The following NDUFAF6 variants were observed in gnomAD, a reference collection of about 807,000 sequenced individuals.
NDUFAF6 encodes NADH dehydrogenase (ubiquinone) complex I, assembly factor 6.
NDUFAF6 carries 45 observed loss-of-function variants against 40.8 expected under a neutral mutation model. That is an observed-to-expected ratio of 1.10 (90% CI 0.87 to 1.42). The LOEUF (loss-of-function observed/expected upper bound fraction) is 1.42, where lower values mean the gene tolerates loss of function less well. Among genes scored for constraint, NDUFAF6 ranks in the 40% most tolerant of loss-of-function variants. The pLI is 0.00. For missense variants in NDUFAF6, 435 were observed against 418.5 expected (o/e 1.04, Z -0.34); for synonymous variants, 185 against 155.9 (o/e 1.19, Z -1.39).
intron 1 of NDUFAF6, among the ~76,000 whole-genome samples, chr8:94,967,860 G>C (rs774517701): frequency 6.6e-6 from 1 of 151,662 alleles, no homozygotes; most frequent in Non-Finnish European, 1.5e-5. Flanking sequence ...AGAATCGTTC[G>C]AACCTGCGAG....
chr8:95,061,599 G>A (rs1832572812), downstream of NDUFAF6, among the ~76,000 whole-genome samples: 1 of 152,150 alleles, frequency 6.6e-6, no homozygotes, highest in Non-Finnish European at 1.5e-5. Flanking sequence ...AAACTACAAA[G>A]TTATTTCTTA....
intron 3 of NDUFAF6, among the ~76,000 whole-genome samples, chr8:95,036,151 A>AT (rs1829475938): frequency 6.6e-6 from 1 of 152,224 alleles, no homozygotes; most frequent in Admixed American, 6.5e-5. Context: ...GTATAGCTAG[A>AT]TATATACCAT....
chr8:95,118,276 T>C (rs2088418033), downstream of NDUFAF6, among the ~76,000 whole-genome samples: 1 of 152,200 alleles, frequency 6.6e-6, no homozygotes, highest in African/African-American at 2.4e-5. Flanking sequence ...AAGCTACCCC[T>C]GGATGTCCTG....
chr8:95,088,888 G>A (rs1809153355), intron 2 of NDUFAF6, among the ~76,000 whole-genome samples: 1 of 151,800 alleles, frequency 6.6e-6, no homozygotes, highest in Admixed American at 6.6e-5. Context: ...AGCCTCCTGA[G>A]TAGCTGGGAT....
At chr8:94,997,343 C>CACAGAG (rs1242904810) in intron 2 of NDUFAF6, among the ~76,000 whole-genome samples, 3,107 of 90,458 alleles carry the variant, frequency 0.034, 92 homozygotes, top group East Asian at 0.065. Context: ...CACACACACA[C>CACAGAG]AGAGAGAGAG....
intron 1 of NDUFAF6, among the ~76,000 whole-genome samples, chr8:94,899,216 T>C (rs1220554062): frequency 1.3e-5 from 2 of 152,210 alleles, no homozygotes; most frequent in Non-Finnish European, 1.5e-5. Flanking sequence ...TAAATTAGAA[T>C]CAGGTGAGAT....
intron 3 of NDUFAF6, among the ~76,000 whole-genome samples, chr8:95,038,711 C>T (rs1829792205): frequency 6.6e-6 from 1 of 151,910 alleles, no homozygotes; most frequent in Non-Finnish European, 1.5e-5. Flanking sequence ...CGGAGCTTTG[C>T]TGTGTCACCA....
chr8:94,939,762 T>C (rs1821341070), intron 1 of NDUFAF6: 1 of 1,495,032 alleles, frequency 6.7e-7, no homozygotes, highest in South Asian at 1.3e-5. Context: ...CTAACAAAAT[T>C]AGTTTTGCAT....
chr8:94,912,310 C>T (rs1334046541), intron 1 of NDUFAF6, among the ~76,000 whole-genome samples: 1 of 152,226 alleles, frequency 6.6e-6, no homozygotes, highest in East Asian at 1.9e-4. Flanking sequence ...TATCATCCAT[C>T]TTTGCGGCCT....
chr8:94,962,214 T>C (rs765832675), intron 1 of NDUFAF6, among the ~76,000 whole-genome samples: 1 of 152,250 alleles, frequency 6.6e-6, no homozygotes, highest in African/African-American at 2.4e-5. Context: ...AGCCACCTTA[T>C]GTTCCGCACA....
At chr8:95,002,975 A>G (rs541928622) in intron 2 of NDUFAF6, among the ~76,000 whole-genome samples, 1 of 152,320 alleles carries the variant, frequency 6.6e-6, no homozygotes, top group Admixed American at 6.5e-5. Flanking sequence ...GGCCACAGAC[A>G]ACTTCTGGCT....
intron 2 of NDUFAF6, among the ~76,000 whole-genome samples, chr8:94,948,749 G>A (rs1822247424): frequency 6.6e-6 from 1 of 152,196 alleles, no homozygotes; most frequent in Non-Finnish European, 1.5e-5. Flanking sequence ...GCCGAGAGCA[G>A]GCGGAGGAGG....
At chr8:94,912,108 T>G (rs1324710273) in intron 1 of NDUFAF6, among the ~76,000 whole-genome samples, 1 of 152,254 alleles carries the variant, frequency 6.6e-6, no homozygotes, top group African/African-American at 2.4e-5. Context: ...AAGTTTTGTT[T>G]TCATATCAGT....
chr8:95,033,237 G>C (rs754935106), intron 2 of NDUFAF6, among the ~76,000 whole-genome samples: 13 of 151,972 alleles, frequency 8.6e-5, no homozygotes, highest in Non-Finnish European at 1.3e-4. Context: ...TAGAGACAGA[G>C]TCTTGCTATG....
intron 8 of NDUFAF6, among the ~76,000 whole-genome samples, 172 bp downstream of exon 8, chr8:95,052,402 T>C (rs1034477157): frequency 7.9e-5 from 12 of 152,214 alleles, no homozygotes; most frequent in Non-Finnish European, 1.8e-4. Flanking sequence ...GGGCCATTTC[T>C]GTATTTCTCA....
intron 2 of NDUFAF6, among the ~76,000 whole-genome samples, chr8:94,987,125 T>C (rs968252181): frequency 2.0e-5 from 3 of 152,242 alleles, no homozygotes; most frequent in African/African-American, 7.2e-5. Context: ...CTATCCAGGA[T>C]TCAGTGTTTA....
At chr8:95,072,586 ACACCC>A (rs1262863336) in intron 9 of NDUFAF6, 1 of 152,290 alleles carries the variant, frequency 6.6e-6, no homozygotes, top group Admixed American at 6.5e-5. Context: ...TTCTGAAGCA[ACACCC>A]TCGTGGTATG....
intron 1 of NDUFAF6, among the ~76,000 whole-genome samples, chr8:94,965,738 G>C (rs2131504297): frequency 6.6e-6 from 1 of 152,298 alleles, no homozygotes; most frequent in Admixed American, 6.5e-5. Context: ...TGGAAGACTA[G>C]GTAGTTCGTA....
downstream of NDUFAF6, among the ~76,000 whole-genome samples, chr8:95,062,279 G>A (rs1475814954): frequency 6.6e-6 from 1 of 152,114 alleles, no homozygotes; most frequent in East Asian, 1.9e-4. Flanking sequence ...TGCTCCATTT[G>A]TAAAATAGGC....
Sources: allele counts gnomAD v4.1 joint callset (sites outside exome capture counted in the v4.1 genomes callset), GRCh38; gene constraint gnomAD v4.1.1; transcripts MANE v1.5; gene names NCBI Gene and HGNC (gene_info 2026-07-23, HGNC 2026-07-21).